The following DACH2 variants were observed in gnomAD, a reference collection of about 807,000 sequenced individuals.
DACH2 encodes dachshund family transcription factor 2, also known as dachshund homolog 2.
Under a neutral mutation model 35.8 loss-of-function variants are expected in DACH2, and 17 were observed. The ratio of observed to expected loss-of-function variants is 0.48; its 90% CI spans 0.33 to 0.71. The LOEUF is 0.71. Ranked by LOEUF, DACH2 falls within the 30% of genes least tolerant of loss-of-function variation. The pLI, the probability that DACH2 is intolerant of heterozygous loss-of-function variation, is 0.02. For missense variants in DACH2, 469 were observed against 472.7 expected (o/e 0.99, Z 0.07); for synonymous variants, 195 against 177.3 (o/e 1.10, Z -0.79).
intron 1 of DACH2, among the ~76,000 whole-genome samples, chrX:86,285,857 T>A: frequency 9.0e-6 from 1 of 111,084 alleles, no homozygotes; most frequent in South Asian, 3.8e-4. Flanking sequence ...CAGTGTTGGG[T>A]GTATATATAT....
At chrX:86,606,218 T>C (rs997316831) in intron 3 of DACH2, among the ~76,000 whole-genome samples, 1 of 111,199 alleles carries the variant, frequency 9.0e-6, no homozygotes, top group African/African-American at 3.3e-5. Flanking sequence ...ATCTTTTTTC[T>C]AGTAATTTTG....
At chrX:86,795,499 C>G (rs1464929138) in intron 7 of DACH2, among the ~76,000 whole-genome samples, 4 of 111,768 alleles carry the variant, frequency 3.6e-5, no homozygotes, top group Non-Finnish European at 7.5e-5. Flanking sequence ...TCCCAAAGTG[C>G]TGGGATTACA....
At chrX:86,826,673 G>C (rs1277365434) in intron 11 of DACH2, among the ~76,000 whole-genome samples, 1 of 111,870 alleles carries the variant, frequency 8.9e-6, no homozygotes, top group Non-Finnish European at 1.9e-5. Context: ...TCACTTCTTT[G>C]ATTTGAGAAT....
chrX:86,734,652 C>A (rs2147253989), intron 6 of DACH2, among the ~76,000 whole-genome samples: 2 of 111,346 alleles, frequency 1.8e-5, no homozygotes, highest in South Asian at 3.7e-4. Context: ...AGAACACAGA[C>A]CAATGCTTGA....
chrX:86,409,885 C>T (rs1197442295), intron 2 of DACH2, among the ~76,000 whole-genome samples: 1 of 112,058 alleles, frequency 8.9e-6, no homozygotes, highest in Non-Finnish European at 1.9e-5. Context: ...ATAAAAGCAA[C>T]TGAAAACTTG....
chrX:86,393,843 C>T (rs768074285), intron 2 of DACH2, among the ~76,000 whole-genome samples: 15 of 110,753 alleles, frequency 1.4e-4, no homozygotes, highest in Non-Finnish European at 2.5e-4. Context: ...TGAGTACCTA[C>T]CTGACTGGGT....
chrX:86,175,501 G>A (rs1490895136), intron 1 of DACH2, among the ~76,000 whole-genome samples: 1 of 111,706 alleles, frequency 9.0e-6, no homozygotes, highest in Non-Finnish European at 1.9e-5. Context: ...TTGGCAGGAA[G>A]TAGTGTGAAA....
intron 1 of DACH2, among the ~76,000 whole-genome samples, chrX:86,307,643 G>C (rs1207923037): frequency 9.0e-6 from 1 of 111,094 alleles, no homozygotes; most frequent in East Asian, 2.8e-4. Flanking sequence ...TGCCAGACAG[G>C]ATAATGTTGA....
chrX:86,582,794 C>T (rs1456576530), intron 3 of DACH2, among the ~76,000 whole-genome samples: 3 of 109,654 alleles, frequency 2.7e-5, no homozygotes, highest in South Asian at 7.9e-4. Context: ...TAAAGAAGAG[C>T]GGGTACCATT....
intron 7 of DACH2, among the ~76,000 whole-genome samples, chrX:86,777,595 A>G (rs1456534449): frequency 9.0e-6 from 1 of 111,442 alleles, no homozygotes; most frequent in African/African-American, 3.3e-5. Flanking sequence ...AAATAAATAT[A>G]TATTTTCTAT....
At chrX:86,254,951 T>C (rs2033489142) in intron 1 of DACH2, among the ~76,000 whole-genome samples, 1 of 107,409 alleles carries the variant, frequency 9.3e-6, no homozygotes, top group Non-Finnish European at 1.9e-5. Context: ...AGGCAGGTGG[T>C]GCCATTAGCC....
chrX:86,807,597 G>A (rs2147344635), intron 7 of DACH2, among the ~76,000 whole-genome samples: 1 of 111,696 alleles, frequency 9.0e-6, no homozygotes, highest in South Asian at 3.7e-4. Context: ...AAATTCCACA[G>A]GATTTTGGGA....
intron 7 of DACH2, among the ~76,000 whole-genome samples, chrX:86,745,061 G>T (rs1476721909): frequency 9.0e-6 from 1 of 110,885 alleles, no homozygotes; most frequent in African/African-American, 3.3e-5. Context: ...TGTGCAAGAT[G>T]CCCCAAGCAC....
chrX:86,788,302 C>T (rs779754436), intron 7 of DACH2, among the ~76,000 whole-genome samples: 1 of 110,773 alleles, frequency 9.0e-6, no homozygotes, highest in African/African-American at 3.3e-5. Context: ...TGTTTTCTAT[C>T]TATTGGGAGA....
At chrX:86,630,264 G>C (rs183023507) in intron 3 of DACH2, among the ~76,000 whole-genome samples, 1,250 of 109,608 alleles carry the variant, frequency 0.011, 14 homozygotes, top group Middle Eastern at 0.024. Context: ...AGATTTATTA[G>C]CTGTATGACA....
chrX:86,424,295 A>G (rs140099847), intron 2 of DACH2, among the ~76,000 whole-genome samples: 209 of 111,126 alleles, frequency 1.9e-3, no homozygotes, highest in African/African-American at 6.5e-3. Flanking sequence ...TTTTAACAAT[A>G]TTGATTCTTC....
chrX:86,597,760 T>C (rs1465471116), intron 3 of DACH2, among the ~76,000 whole-genome samples: 2 of 111,932 alleles, frequency 1.8e-5, no homozygotes, highest in Non-Finnish European at 3.8e-5. Flanking sequence ...AGTGGAATAT[T>C]GAAGTCTCCG....
At chrX:86,309,366 C>G (rs1438067124) in intron 1 of DACH2, among the ~76,000 whole-genome samples, 1 of 112,402 alleles carries the variant, frequency 8.9e-6, no homozygotes, top group Non-Finnish European at 1.9e-5. Context: ...TGCACAAATG[C>G]CTTTTTCTCC....
intron 4 of DACH2, among the ~76,000 whole-genome samples, chrX:86,661,342 G>A (rs760831954): frequency 3.6e-5 from 4 of 112,127 alleles, no homozygotes; most frequent in African/African-American, 6.5e-5. Flanking sequence ...CTCTGCATCC[G>A]CAAAGAACCT....
Sources: allele counts gnomAD v4.1 joint callset (sites outside exome capture counted in the v4.1 genomes callset), GRCh38; gene constraint gnomAD v4.1.1; transcripts MANE v1.5; gene names NCBI Gene and HGNC (gene_info 2026-07-23, HGNC 2026-07-21).